SYT16: variants seen among roughly 807,000 people sequenced by gnomAD.
SYT16 encodes synaptotagmin-16.
Under a neutral mutation model 61.4 loss-of-function variants are expected in SYT16, and 42 were observed. That is an observed-to-expected ratio of 0.68 (90% confidence interval 0.53 to 0.89). The LOEUF (loss-of-function observed/expected upper bound fraction) is 0.89. Among genes scored for constraint, SYT16 ranks in the 40% least tolerant of loss-of-function variants. The pLI is 0.00. For synonymous variants in SYT16, 314 were observed against 302.3 expected, an observed-to-expected ratio of 1.04 and a Z score of -0.40; for missense variants, 804 against 807.3, an observed-to-expected ratio of 1.00 and a Z score of 0.05.
In SYT16 at chr14:62,045,008, C is replaced by T. The variant is rs566010898; in HGVS notation, c.524-24595C>T. On this transcript the variant is annotated intron_variant, in intron 3 of 7. Transcript: ENST00000683842. ...CAAAAATTAGCTGGGCGTGGTGGCA[C>T]GCACCTGTAATCCTAGCAACTCAGG... Among the ~76,000 whole-genome samples the T allele has an allele frequency of 4.0e-4, 61 of 152,132 alleles. No individual in the cohort carries two copies. The South Asian group carries it at 9.6e-3, about 24-fold the overall frequency.
chr14:61,829,532 A>G (rs1314947467), intron 1 of SYT16, among the ~76,000 whole-genome samples: 1 of 152,084 alleles, frequency 6.6e-6, no homozygotes, highest in Non-Finnish European at 1.5e-5. Context: ...TGAGATTCTG[A>G]TAACACAAAT....
chr14:61,856,873 G>T (rs2046791424), intron 1 of SYT16, among the ~76,000 whole-genome samples: 4 of 152,164 alleles, frequency 2.6e-5, no homozygotes, highest in Admixed American at 2.6e-4. Flanking sequence ...GCAGGGATGA[G>T]AAGGAGCGGT....
At chr14:61,902,118 C>G (rs1411928499) in intron 1 of SYT16, among the ~76,000 whole-genome samples, 1 of 152,152 alleles carries the variant, frequency 6.6e-6, no homozygotes, top group African/African-American at 2.4e-5. Flanking sequence ...TAATTTGGGT[C>G]TAATGTTATG....
At chr14:62,021,083 T>C (rs1336721705) in intron 3 of SYT16, among the ~76,000 whole-genome samples, 1 of 152,208 alleles carries the variant, frequency 6.6e-6, no homozygotes, top group African/African-American at 2.4e-5. Flanking sequence ...TTATAATAAT[T>C]ATTAAGGCTT....
intron 1 of SYT16, among the ~76,000 whole-genome samples, chr14:61,901,671 G>A (rs2048519453): frequency 1.3e-5 from 2 of 151,696 alleles, no homozygotes; most frequent in Admixed American, 6.6e-5. Context: ...CATCTTTCAA[G>A]TGCATTTAGC....
chr14:61,976,871 G>GT (rs796298404), intron 2 of SYT16, among the ~76,000 whole-genome samples: 2,662 of 147,448 alleles, frequency 0.018, 40 homozygotes, highest in South Asian at 0.021. Context: ...CCCAGAAAAT[G>GT]TTTTTTTTTT....
chr14:61,918,161 T>C (rs926657262), intron 1 of SYT16, among the ~76,000 whole-genome samples: 1 of 152,192 alleles, frequency 6.6e-6, no homozygotes, highest in African/African-American at 2.4e-5. Context: ...GAAGGCATTT[T>C]CAAATTGATG....
intron 1 of SYT16, among the ~76,000 whole-genome samples, chr14:61,928,998 C>T (rs2140421424): frequency 6.6e-6 from 1 of 152,320 alleles, no homozygotes; most frequent in East Asian, 1.9e-4. Flanking sequence ...GGAGCAAGAA[C>T]ATTGCTAAAT....
chr14:62,046,854 T>C (rs576714571), intron 3 of SYT16, among the ~76,000 whole-genome samples: 18 of 152,230 alleles, frequency 1.2e-4, no homozygotes, highest in Non-Finnish European at 2.6e-4. Flanking sequence ...TTGGTTACTG[T>C]AGCCTTGTAG....
At chr14:62,030,744 G>A (rs2054281907) in intron 3 of SYT16, among the ~76,000 whole-genome samples, 1 of 152,204 alleles carries the variant, frequency 6.6e-6, no homozygotes, top group Non-Finnish European at 1.5e-5. Flanking sequence ...TATTATCATT[G>A]ATTGAATTCA....
chr14:61,911,520 T>G (rs1173290713), intron 1 of SYT16, among the ~76,000 whole-genome samples: 1 of 152,176 alleles, frequency 6.6e-6, no homozygotes, highest in Non-Finnish European at 1.5e-5. Flanking sequence ...AAGATGCCAG[T>G]GGATTTGCAT....
intron 3 of SYT16, among the ~76,000 whole-genome samples, chr14:62,062,196 T>A (rs75730099): frequency 6.6e-6 from 1 of 152,300 alleles, no homozygotes; most frequent in East Asian, 1.9e-4. Context: ...ACAAAACAGA[T>A]GTTTGCAGGA....
rs186189049 is a variant in SYT16 at position 61,921,540 on chromosome 14, A to T, written c.-324-48592A>T. On this transcript the variant is annotated intron_variant, in intron 1 of 7. Coordinates refer to ENST00000683842, the MANE Select transcript of SYT16 (RefSeq NM_001367656.1). ...GTTTAATTTCATGTCTGCCCTATCT[A>T]TGTATTCATTCTCAGTTCTTTCCTT... Among the ~76,000 whole-genome samples, 19 of 152,220 alleles carry T rather than the reference A, an allele frequency of 1.2e-4. No individual in the cohort carries two copies. In the East Asian group the frequency reaches 3.7e-3, roughly 29 times the overall value.
chr14:62,049,275 T>G (rs1020016645), intron 3 of SYT16, among the ~76,000 whole-genome samples: 30 of 152,224 alleles, frequency 2.0e-4, no homozygotes, highest in Non-Finnish European at 4.1e-4. Flanking sequence ...TAAAGTCTGT[T>G]TTATCAGAGA....
intron 3 of SYT16, among the ~76,000 whole-genome samples, chr14:62,057,794 G>T (rs1165333996): frequency 6.6e-6 from 1 of 152,154 alleles, no homozygotes; most frequent in Non-Finnish European, 1.5e-5. Flanking sequence ...AGGCACACTT[G>T]AAGTACAATA....
chr14:62,092,841 A>T (rs897264962), intron 7 of SYT16, among the ~76,000 whole-genome samples: 7 of 152,032 alleles, frequency 4.6e-5, no homozygotes, highest in Non-Finnish European at 8.8e-5. Context: ...ATCTAATACC[A>T]CTGAAATGTA....
intron 5 of SYT16, among the ~76,000 whole-genome samples, chr14:62,078,031 A>G (rs762623589): frequency 3.9e-5 from 6 of 152,072 alleles, no homozygotes; most frequent in Non-Finnish European, 7.4e-5. Flanking sequence ...CAGGGGCCTC[A>G]AAGGATGTGA....
At chr14:61,899,004 T>C (rs1054258076) in intron 1 of SYT16, among the ~76,000 whole-genome samples, 2 of 152,242 alleles carry the variant, frequency 1.3e-5, no homozygotes, top group African/African-American at 4.8e-5. Context: ...AAATAAGTTA[T>C]GTTTCTTGTA....
rs1319326673 is a variant in SYT16, at chr14:61,886,867, ATTTTTTTTTTGTCTTTTT to A, written c.-325+74084_-325+74101del. Among the ~76,000 whole-genome samples, 350 of 66,996 alleles carry A rather than the reference ATTTTTTTTTTGTCTTTTT, an allele frequency of 5.2e-3. 5 individuals are homozygous for A. Among genetic ancestry groups the A allele is most frequent in the African/African-American group, 0.012 (233 of 20,094 alleles). 44.0% of individuals were successfully genotyped at this position (66,996 alleles called of 152,430 possible). A position where few individuals can be genotyped will look rare whatever the true frequency, so the allele number is the denominator to read the frequency against. ...CATTTCTTTAAGGGGAGTTACGCTT[ATTTTTTTTTTGTCTTTTT>A]TTTTTTTTTTGTCTTTTTTTTTTTT... On this transcript the variant is annotated intron_variant, in intron 1 of 7. Transcript: ENST00000683842.
Sources: gnomAD v4.1 joint callset for allele counts (sites outside exome capture counted in the v4.1 genomes callset) on GRCh38, gnomAD v4.1.1 for gene constraint, MANE v1.5 for transcripts, NCBI Gene and HGNC (gene_info 2026-07-23, HGNC 2026-07-21) for gene names.